Variants in ASTN2 observed in about 807,000 individuals in gnomAD.
ASTN2 encodes astrotactin 2.
In ASTN2, 54 loss-of-function variants were observed where a neutral mutation model predicts 139.8. That is an observed-to-expected ratio of 0.39 (90% CI 0.31 to 0.48). The LOEUF (loss-of-function observed/expected upper bound fraction) is 0.48. ASTN2 is among the 20% of genes least tolerant of loss of function. The pLI is 0.95. For missense variants in ASTN2, 1,565 were observed against 1,725.1 expected (o/e 0.91, Z 1.64); for synonymous variants, 756 against 719.5 (o/e 1.05, Z -0.81).
At chr9:116,714,798 G>GATCTAAAT (rs1828268801) in intron 16 of ASTN2, among the ~76,000 whole-genome samples, 26 of 61,914 alleles carry the variant, frequency 4.2e-4, no homozygotes, top group South Asian at 1.1e-3. Flanking sequence ...AATCATGTGA[G>GATCTAAAT]GCCGGGCGCG....
intron 2 of ASTN2, among the ~76,000 whole-genome samples, chr9:117,252,839 T>C (rs1833575551): frequency 6.6e-6 from 1 of 152,180 alleles, no homozygotes; most frequent in Non-Finnish European, 1.5e-5. Context: ...TTGCAGAAAT[T>C]GGGCTCCAAA....
intron 16 of ASTN2, among the ~76,000 whole-genome samples, chr9:116,681,240 G>C (rs937508710): frequency 6.6e-6 from 1 of 151,940 alleles, no homozygotes; most frequent in Admixed American, 6.6e-5. Context: ...ACAGACAAAC[G>C]GAGAGCCAAA....
intron 1 of ASTN2, among the ~76,000 whole-genome samples, chr9:117,317,058 G>T (rs1828165900): frequency 6.6e-6 from 1 of 151,864 alleles, no homozygotes; most frequent in Admixed American, 6.6e-5. Context: ...TGTTCCTTCT[G>T]TTTTCCCTCT....
chr9:116,478,631 G>A (rs1411472118), intron 20 of ASTN2, among the ~76,000 whole-genome samples: 1 of 152,126 alleles, frequency 6.6e-6, no homozygotes, highest in Non-Finnish European at 1.5e-5. Context: ...TCTTTCACCT[G>A]GACTAGACCC....
intron 20 of ASTN2, among the ~76,000 whole-genome samples, chr9:116,477,324 G>A (rs1246253828): frequency 6.6e-6 from 1 of 152,086 alleles, no homozygotes; most frequent in Admixed American, 6.6e-5. Context: ...GGAGAGGTCA[G>A]TACGACCTGA....
intron 1 of ASTN2, among the ~76,000 whole-genome samples, chr9:117,301,888 C>CT (rs1055740139): frequency 6.6e-6 from 1 of 151,576 alleles, no homozygotes; most frequent in African/African-American, 2.4e-5. Flanking sequence ...CTGAGCCTCA[C>CT]TGGCCTCACA....
chr9:117,135,101 T>C (rs532411412), intron 4 of ASTN2, among the ~76,000 whole-genome samples: 1 of 152,228 alleles, frequency 6.6e-6, no homozygotes, highest in African/African-American at 2.4e-5. Flanking sequence ...AAGCTGCACG[T>C]ACTTCCTTCC....
intron 2 of ASTN2, among the ~76,000 whole-genome samples, chr9:117,219,688 C>G (rs902961999): frequency 2.0e-5 from 3 of 152,268 alleles, no homozygotes; most frequent in South Asian, 4.1e-4. Flanking sequence ...TTACCATCAC[C>G]TTATGAGAAT....
In ASTN2 at chr9:116,668,989, C is replaced by CTGT. The variant is rs777333949; in HGVS notation, c.2807-17197_2807-17196insACA. Among the ~76,000 whole-genome samples the CTGT allele has an allele frequency of 3.9e-5, 6 of 151,994 alleles. No homozygotes were observed. The South Asian group carries it at 1.3e-3, about 32-fold the overall frequency. On this transcript the variant is annotated intron_variant, in intron 16 of 22. Coordinates refer to ENST00000313400, the MANE Select transcript of ASTN2 (RefSeq NM_001365068.1). ...GAAGCAGCTTTCCATAATATGTACC[C>CTGT]AACAAAGTGTCATTGAGGTAGGAGG...
chr9:117,018,326 C>T (rs1203681026), intron 6 of ASTN2, among the ~76,000 whole-genome samples: 13 of 152,190 alleles, frequency 8.5e-5, no homozygotes, highest in Admixed American at 2.6e-4. Context: ...ATGAGATGTG[C>T]TTCCTTCTGC....
intron 4 of ASTN2, among the ~76,000 whole-genome samples, chr9:117,108,465 ACACAC>A (rs1486303890): frequency 6.6e-6 from 1 of 151,908 alleles, no homozygotes; most frequent in African/African-American, 2.4e-5. Context: ...ACACACACAC[ACACAC>A]ATTTTGTTCA....
chr9:116,983,404 C>T (rs1254532345), intron 7 of ASTN2, among the ~76,000 whole-genome samples: 2 of 152,306 alleles, frequency 1.3e-5, no homozygotes, highest in Non-Finnish European at 1.5e-5. Flanking sequence ...GGTACTGATG[C>T]CCTCCTTGTA....
At chr9:116,493,334 A>G (rs918291388) in intron 19 of ASTN2, among the ~76,000 whole-genome samples, 1 of 152,146 alleles carries the variant, frequency 6.6e-6, no homozygotes, top group Non-Finnish European at 1.5e-5. Context: ...AGTCTCTAAC[A>G]TTCTTTTCCT....
intron 4 of ASTN2, among the ~76,000 whole-genome samples, chr9:117,127,980 G>A (rs1270590849): frequency 1.3e-5 from 2 of 151,928 alleles, no homozygotes; most frequent in African/African-American, 4.8e-5. Flanking sequence ...GCTCCCGGCC[G>A]GGTTTTTTAA....
Position 117,221,167 on chromosome 9 carries a change from G to A in ASTN2, c.631-6425C>T, listed in dbSNP as rs116459918. Among the ~76,000 whole-genome samples, 748 of 152,198 alleles carry A rather than the reference G, an allele frequency of 4.9e-3. 4 individuals are homozygous for A. The highest frequency in any genetic ancestry group is 0.017 in the African/African-American group (700 of 41,550). ...TCAACAAGGCACCTGACCAAACCTC[G>A]TATGCCCCTTTGCTGCTTTTACTTT... is the stretch of plus-strand genomic sequence containing the variant. On this transcript the variant is annotated intron_variant, in intron 2 of 22. Coordinates refer to ENST00000313400, the MANE Select transcript of ASTN2 (RefSeq NM_001365068.1).
intron 4 of ASTN2, among the ~76,000 whole-genome samples, chr9:117,123,551 C>A (rs530848854): frequency 2.0e-5 from 3 of 152,250 alleles, no homozygotes; most frequent in South Asian, 4.1e-4. Context: ...ATGGTAAGCT[C>A]TTGATAAATA....
intron 20 of ASTN2, among the ~76,000 whole-genome samples, chr9:116,479,787 A>G (rs1392446231): frequency 6.6e-6 from 1 of 152,218 alleles, no homozygotes; most frequent in Admixed American, 6.5e-5. Context: ...CCATTTGGGC[A>G]TGGATCTTTG....
intron 20 of ASTN2, among the ~76,000 whole-genome samples, chr9:116,486,755 C>G (rs1314082072): frequency 6.6e-6 from 1 of 152,172 alleles, no homozygotes; most frequent in Admixed American, 6.5e-5. Flanking sequence ...CTCCTTTTCT[C>G]TTCCAGGCTA....
chr9:117,261,588 A>G (rs1206531077), intron 2 of ASTN2, among the ~76,000 whole-genome samples: 1 of 152,124 alleles, frequency 6.6e-6, no homozygotes, highest in Non-Finnish European at 1.5e-5. Context: ...CCAAAGTCTG[A>G]AAAAAATTAA....
Sources: allele counts gnomAD v4.1 joint callset (sites outside exome capture counted in the v4.1 genomes callset), GRCh38; gene constraint gnomAD v4.1.1; transcripts MANE v1.5; gene names NCBI Gene and HGNC (gene_info 2026-07-23, HGNC 2026-07-21).